PHF2: variants seen among roughly 807,000 people sequenced by gnomAD.
The protein encoded by PHF2 is lysine-specific demethylase PHF2.
A neutral mutation model predicts 120.5 loss-of-function variants in PHF2; 27 were observed. That is an observed-to-expected ratio of 0.22 (90% CI 0.17 to 0.31). PHF2 has a LOEUF of 0.31. Ranked by LOEUF, PHF2 falls within the 10% of genes least tolerant of loss-of-function variation. The pLI, the probability that PHF2 is intolerant of heterozygous loss-of-function variation, is 1.00. For missense variants in PHF2, 1,024 were observed against 1,434.8 expected (o/e 0.71, Z 4.63); for synonymous variants, 568 against 592.5 (o/e 0.96, Z 0.60).
intron 1 of PHF2, among the ~76,000 whole-genome samples, chr9:93,585,153 A>G (rs1026758616): frequency 1.3e-5 from 2 of 152,192 alleles, no homozygotes; most frequent in African/African-American, 2.4e-5. Flanking sequence ...GTGTTCATGC[A>G]TGTGCTGCTG....
At chr9:93,595,110 T>A (rs10116955) in intron 1 of PHF2, among the ~76,000 whole-genome samples, 125,073 of 152,164 alleles carry the variant, frequency 0.82, 51,478 homozygotes, top group East Asian at 0.88. Flanking sequence ...GTGCTTATCT[T>A]TAAAGGGGTA....
Position 93,676,790 on chromosome 9 carries a change from C to T in PHF2, c.3029C>T (p.Pro1010Leu). ...CAGGCCTCGCAGGAGGGCAGCTCGC[C>T]AGAGCCCCCGCCTGAGTCGCATAGC... ...SSQASQEGSS[P>L]EPPPESHSSS... is the part of the protein sequence containing the mutation. Residue 1010 changes from proline to leucine, a missense_variant, in exon 21 of 22, where the codon CCA becomes CTA. Pro to Leu is a moderately conservative substitution (Grantham distance 98). Around this residue, in one of 2 missense-constraint regions of PHF2, gnomAD observed 677 missense variants for 857.4 expected, o/e 0.79. Coordinates refer to ENST00000359246, the MANE Select transcript of PHF2 (RefSeq NM_005392.4). 1 of 1,552,490 alleles carries T rather than the reference C, an allele frequency of 6.4e-7. No individual in the cohort carries two copies. The highest frequency in any genetic ancestry group is 8.7e-7 in the Non-Finnish European group (1 of 1,147,752).
chr9:93,671,149 T>C, intron 17 of PHF2: 2 of 979,762 alleles, frequency 2.0e-6, no homozygotes, highest in Non-Finnish European at 2.4e-6. Flanking sequence ...CAGATGCAGG[T>C]GTGGATGTAG....
chr9:93,601,782 A>G lies in PHF2; in HGVS notation c.98+24911A>G, dbSNP rs376920099. On this transcript the variant is annotated intron_variant, in intron 1 of 21. Coordinates refer to ENST00000359246, the MANE Select transcript of PHF2 (RefSeq NM_005392.4). ...TCCCTGGAGGAATCAGTGGCTCATT[A>G]ATTTCCTGGAGCTCCACGGGCAGAG... Among the ~76,000 whole-genome samples the G allele has an allele frequency of 6.6e-4, 100 of 152,072 alleles. 2 individuals carry two copies. The South Asian group carries it at 0.013, about 20-fold the overall frequency.
At chr9:93,671,564 T>A (rs10992852) in intron 17 of PHF2, among the ~76,000 whole-genome samples, 304 of 48,562 alleles carry the variant, frequency 6.3e-3, no homozygotes, top group African/African-American at 7.5e-3. Context: ...GGGAGTAGGG[T>A]CAGGTGTAGA....
intron 1 of PHF2, among the ~76,000 whole-genome samples, chr9:93,615,244 T>TGGTGA (rs1825711112): frequency 2.7e-5 from 4 of 147,376 alleles, no homozygotes; most frequent in African/African-American, 1.0e-4. Flanking sequence ...GGTGATGGTG[T>TGGTGA]TGATGGTGAT....
chr9:93,661,633 GAATA>G (rs945124211), intron 12 of PHF2, among the ~76,000 whole-genome samples: 2 of 150,910 alleles, frequency 1.3e-5, no homozygotes, highest in African/African-American at 2.4e-5. Flanking sequence ...ATGGAAGGAC[GAATA>G]AATGAATGGG....
Position 93,656,992 on chromosome 9 carries a change from C to T in PHF2, c.1147+397C>T, listed in dbSNP as rs112056687. On this transcript the variant is annotated intron_variant, in intron 9 of 21. Coordinates refer to ENST00000359246, the MANE Select transcript of PHF2 (RefSeq NM_005392.4). This position sits in a 1 kb window ranked among gnomAD's most constrained non-coding sequence, Gnocchi z 4.1. The stretch of plus-strand genomic sequence containing the variant: ...GGCTCTGGGTCCCCTTAGGCTCCCT[C>T]AGGGGCCTGGCAACTGGACCGTGAG... Among the ~76,000 whole-genome samples, 12 of 152,114 alleles carry T rather than the reference C, an allele frequency of 7.9e-5. No homozygotes were observed. Among genetic ancestry groups the T allele is most frequent in the African/African-American group, 2.2e-4 (9 of 41,504 alleles).
At chr9:93,675,944 C>T (rs1044977531) in intron 20 of PHF2, among the ~76,000 whole-genome samples, 155 bp downstream of exon 20, 3 of 152,180 alleles carry the variant, frequency 2.0e-5, no homozygotes, top group African/African-American at 7.2e-5. Flanking sequence ...TAGAGAGTGC[C>T]CTATTCCTCC....
chr9:93,635,616 G>A (rs1415457432), intron 2 of PHF2, among the ~76,000 whole-genome samples: 1 of 152,212 alleles, frequency 6.6e-6, no homozygotes, highest in Non-Finnish European at 1.5e-5. Flanking sequence ...TCCCCTTAGG[G>A]ACTTGAAGTC....
intron 17 of PHF2, among the ~76,000 whole-genome samples, chr9:93,672,122 G>A (rs1826808293): frequency 1.0e-5 from 1 of 98,180 alleles, no homozygotes; most frequent in Non-Finnish European, 2.1e-5. Context: ...AGATGCAGGT[G>A]TGGGTGCGGA....
chr9:93,634,877 T>C (rs1347138013), intron 2 of PHF2, among the ~76,000 whole-genome samples: 1 of 152,162 alleles, frequency 6.6e-6, no homozygotes. Flanking sequence ...ACCAGGTGGC[T>C]TTGCCCTGAG....
rs760792424 is a variant in PHF2, at chr9:93,676,773, G to T, written c.3012G>T (p.Ser1004=). ...ASTSTASSQA[S]QEGSSPEPPP... is the part of the protein sequence containing the mutation. ...CCAGCACGGCCAGCAGCCAGGCCTC[G>T]CAGGAGGGCAGCTCGCCAGAGCCCC... Residue 1004 remains serine, a synonymous_variant, in exon 21 of 22, where the codon TCG becomes TCT. Transcript: ENST00000359246. 1.3e-6 allele frequency: 2 copies of T among 1,548,308 alleles called. No individual in the cohort carries two copies. The highest frequency in any genetic ancestry group is 8.7e-7 in the Non-Finnish European group (1 of 1,146,650).
chr9:93,620,031 C>T (rs1825799815), intron 1 of PHF2, among the ~76,000 whole-genome samples: 1 of 152,236 alleles, frequency 6.6e-6, no homozygotes, highest in Non-Finnish European at 1.5e-5. Flanking sequence ...TCAGCTCAGC[C>T]AAATGCCCTG....
chr9:93,650,175 A>G (rs61301026), intron 5 of PHF2, among the ~76,000 whole-genome samples: 3,632 of 151,676 alleles, frequency 0.024, 146 homozygotes, highest in African/African-American at 0.083. Context: ...TCGCCAACAC[A>G]CCTGTGACAC....
intron 1 of PHF2, among the ~76,000 whole-genome samples, chr9:93,582,329 G>GT (rs1245270434): frequency 6.6e-6 from 1 of 152,214 alleles, no homozygotes; most frequent in Non-Finnish European, 1.5e-5. Context: ...TTTCAGCAGT[G>GT]TAACACGGAC....
chr9:93,621,644 C>T lies in PHF2; in HGVS notation c.99-8326C>T, dbSNP rs544515866. ...GGGGCCAGGTGTGAGGACTGGATCC[C>T]CACCTGACCTTTGTGCCTCTGAGTC... On this transcript the variant is annotated intron_variant, in intron 1 of 21. Coordinates refer to ENST00000359246, the MANE Select transcript of PHF2 (RefSeq NM_005392.4). Among the ~76,000 whole-genome samples, 9 of 152,282 alleles carry T rather than the reference C, an allele frequency of 5.9e-5. No individual in the cohort carries two copies. The South Asian group carries it at 1.9e-3, about 32-fold the overall frequency.
chr9:93,578,473 G>T lies in PHF2; in HGVS notation c.98+1602G>T, dbSNP rs531339740. Among the ~76,000 whole-genome samples, 23 of 152,330 alleles carry T rather than the reference G, an allele frequency of 1.5e-4. No individual in the cohort carries two copies. In the East Asian group the frequency reaches 4.3e-3, roughly 28 times the overall value. ...CTGGCCCTGAAAAGCCCTGAAAGTG[G>T]TGGGGCCTCTGCCTTCTCCCCCATC... is the stretch of plus-strand genomic sequence containing the variant. On this transcript the variant is annotated intron_variant, in intron 1 of 21. Coordinates refer to ENST00000359246, the MANE Select transcript of PHF2 (RefSeq NM_005392.4).
chr9:93,676,964 G>A lies in PHF2; in HGVS notation c.3202+1G>A. 3.2e-6 allele frequency: 5 copies of A among 1,540,884 alleles called. No homozygotes were observed. The highest frequency in any genetic ancestry group is 4.4e-6 in the Non-Finnish European group (5 of 1,139,562). On this transcript the variant is annotated splice_donor_variant, in intron 21 of 21. Transcript: ENST00000359246. LOFTEE classifies it high-confidence loss of function. ...CCAAACAACAACACCGCTGCCAAAGGTACTGTGCCTGCTGGAGGGAGCCTG... is the reference window on the plus strand; with the variant it reads ...CCAAACAACAACACCGCTGCCAAAGATACTGTGCCTGCTGGAGGGAGCCTG...
Sources: allele counts gnomAD v4.1 joint callset (sites outside exome capture counted in the v4.1 genomes callset), GRCh38; gene constraint gnomAD v4.1.1; regional missense constraint gnomAD v4.1.1; non-coding constraint Gnocchi (gnomAD v3.1); transcripts MANE v1.5; gene names NCBI Gene and HGNC (gene_info 2026-07-23, HGNC 2026-07-21).